The following SAMD5 variants were observed in gnomAD, a reference collection of about 807,000 sequenced individuals.
SAMD5 encodes the protein sterile alpha motif domain-containing protein 5.
In SAMD5, 13 loss-of-function variants were observed where a neutral mutation model predicts 11.3. The observed-to-expected ratio is 1.15, with a 90% CI of 0.75 to 1.83. The LOEUF (loss-of-function observed/expected upper bound fraction) is 1.83, where lower values mean the gene tolerates loss of function less well. SAMD5 is among the 40% of genes most tolerant of loss of function. SAMD5 has a pLI of 0.00. For missense variants in SAMD5, 255 were observed against 239.1 expected (o/e 1.07, Z -0.44); for synonymous variants, 129 against 111.3 (o/e 1.16, Z -1.00).
chr6:147,707,966 C>G (rs1791347115), intron 1 of SAMD5, among the ~76,000 whole-genome samples: 1 of 152,118 alleles, frequency 6.6e-6, no homozygotes, highest in Non-Finnish European at 1.5e-5. Context: ...AGAATATTCA[C>G]TTCACAACTT....
At chr6:147,529,556 A>G (rs1384711113) in intron 1 of SAMD5, among the ~76,000 whole-genome samples, 1 of 152,160 alleles carries the variant, frequency 6.6e-6, no homozygotes, top group African/African-American at 2.4e-5. Flanking sequence ...GGACACTGTT[A>G]TTGTTTCATT....
At chr6:147,883,440 A>T in the SAMD5 span, among the ~76,000 whole-genome samples, 11 of 152,216 alleles carry the variant, frequency 7.2e-5, no homozygotes, top group Non-Finnish European at 1.6e-4. Context: ...GCAGATGAGA[A>T]ACTCAGAGAT....
chr6:147,573,122 A>G (rs1789160683), downstream of SAMD5, among the ~76,000 whole-genome samples: 1 of 152,184 alleles, frequency 6.6e-6, no homozygotes, highest in Non-Finnish European at 1.5e-5. Flanking sequence ...ATTACATGGG[A>G]GCCAGAAATG....
intron 1 of SAMD5, among the ~76,000 whole-genome samples, chr6:147,617,338 C>A (rs750307851): frequency 6.6e-6 from 1 of 152,188 alleles, no homozygotes; most frequent in East Asian, 1.9e-4. Flanking sequence ...TGTGTTCAGC[C>A]CTGGCCTCCA....
In SAMD5 at chr6:147,566,086, T is replaced by A; in HGVS notation, c.*1630T>A. 1.0e-6 allele frequency: 1 copy of A among 983,034 alleles called. No individual in the cohort carries two copies. The highest frequency in any genetic ancestry group is 1.2e-6 in the Non-Finnish European group (1 of 827,778). The allele number at this position is 983,034 out of a possible 1,614,324, so 60.9% of individuals were successfully genotyped here. ...AAGGATATTAGGTTTCTAAGGACAA[T>A]TTTAACACAATACTGCTTTAAAAAT... On this transcript the variant is annotated 3_prime_UTR_variant, in exon 2 of 2. Transcript: ENST00000367474.
intron 1 of SAMD5, among the ~76,000 whole-genome samples, chr6:147,707,470 T>C (rs1262109682): frequency 6.6e-6 from 1 of 152,188 alleles, no homozygotes; most frequent in Non-Finnish European, 1.5e-5. Flanking sequence ...CTGAGGCTCC[T>C]GAAACCCTTC....
the SAMD5 span, among the ~76,000 whole-genome samples, chr6:147,921,764 C>T: frequency 2.3e-4 from 35 of 152,266 alleles, no homozygotes; most frequent in African/African-American, 7.5e-4. Context: ...TGGCCTGTTG[C>T]CCATGGTGCT....
chr6:147,738,656 C>T (rs1791838717), downstream of SAMD5, among the ~76,000 whole-genome samples: 1 of 152,010 alleles, frequency 6.6e-6, no homozygotes, highest in South Asian at 2.1e-4. Flanking sequence ...AAAATGCATC[C>T]AGATGTCTAT....
chr6:147,892,059 A>G, the SAMD5 span, among the ~76,000 whole-genome samples: 1 of 152,190 alleles, frequency 6.6e-6, no homozygotes, highest in South Asian at 2.1e-4. Context: ...TAGGCCGACA[A>G]TGCTGGATCA....
the SAMD5 span, among the ~76,000 whole-genome samples, chr6:147,768,426 A>G: frequency 7.9e-5 from 12 of 152,256 alleles, no homozygotes; most frequent in Middle Eastern, 3.4e-3. Flanking sequence ...TGAACCCGGG[A>G]GGCGGAGGTT....
chr6:147,896,357 T>TGAGCTGGGGCTG, the SAMD5 span, among the ~76,000 whole-genome samples: 1 of 151,364 alleles, frequency 6.6e-6, no homozygotes, highest in Non-Finnish European at 1.5e-5. Flanking sequence ...GACTGGACTC[T>TGAGCTGGGGCTG]GAGCTGGGGC....
chr6:147,636,278 G>A (rs964725674), intron 1 of SAMD5, among the ~76,000 whole-genome samples: 10 of 152,108 alleles, frequency 6.6e-5, no homozygotes, highest in African/African-American at 2.2e-4. Flanking sequence ...ATGAACATGC[G>A]AGGTAATTCT....
intron 1 of SAMD5, among the ~76,000 whole-genome samples, chr6:147,618,131 A>G (rs1411244884): frequency 6.6e-6 from 1 of 152,190 alleles, no homozygotes; most frequent in African/African-American, 2.4e-5. Flanking sequence ...GAGGAAACTG[A>G]TATAACTAAG....
the SAMD5 span, among the ~76,000 whole-genome samples, chr6:147,753,889 T>G: frequency 0.087 from 13,222 of 152,274 alleles, 727 homozygotes; most frequent in East Asian, 0.17. Context: ...AGCATCTATT[T>G]CTTTTTATGG....
the SAMD5 span, among the ~76,000 whole-genome samples, chr6:147,929,139 TC>T: frequency 6.6e-6 from 1 of 152,200 alleles, no homozygotes; most frequent in African/African-American, 2.4e-5. Context: ...AACCACACTG[TC>T]CTGGTTCCAA....
the SAMD5 span, among the ~76,000 whole-genome samples, chr6:147,876,241 GAGA>G: frequency 1.3e-5 from 2 of 152,214 alleles, no homozygotes; most frequent in African/African-American, 4.8e-5. Flanking sequence ...GGTTCTGAGA[GAGA>G]AGAAGATGTG....
chr6:147,873,663 A>G, the SAMD5 span, among the ~76,000 whole-genome samples: 1 of 152,184 alleles, frequency 6.6e-6, no homozygotes, highest in African/African-American at 2.4e-5. Context: ...ATAAATTTTT[A>G]TTAAGTGGTT....
chr6:147,767,021 G>A, the SAMD5 span, among the ~76,000 whole-genome samples: 3 of 152,122 alleles, frequency 2.0e-5, no homozygotes, highest in East Asian at 5.8e-4. Flanking sequence ...GGTAATAATA[G>A]GATGCTATTT....
At position 147,508,983 on chromosome 6, in the gene SAMD5, G is replaced by A; in HGVS notation, c.55G>A (p.Ala19Thr). 1 of 1,601,422 alleles carries A rather than the reference G, an allele frequency of 6.2e-7. No individual in the cohort carries two copies. The highest frequency in any genetic ancestry group is 8.5e-7 in the Non-Finnish European group (1 of 1,174,556). The part of the protein sequence containing the change: ...WLKALQLPQY[A>T]ESFVDNGYDD... ...CAAAGCGCTGCAGCTTCCGCAGTAC[G>A]CGGAGTCCTTCGTGGATAACGGCTA... is the stretch of plus-strand genomic sequence containing the variant. The change falls in exon 1 of 2, where the codon GCG becomes ACG. Residue 19 changes from alanine to threonine, a missense_variant. Transcript: ENST00000367474.
Sources: allele counts gnomAD v4.1 joint callset (sites outside exome capture counted in the v4.1 genomes callset), GRCh38; gene constraint gnomAD v4.1.1; transcripts MANE v1.5; gene names NCBI Gene and HGNC (gene_info 2026-07-23, HGNC 2026-07-21).